NKAIN3: variants seen among roughly 807,000 people sequenced by gnomAD.
NKAIN3 encodes the protein sodium/potassium transporting ATPase interacting 3, also known as sodium/potassium-transporting ATPase subunit beta-1-interacting protein 3.
NKAIN3 carries 25 observed loss-of-function variants against 30.2 expected under a neutral mutation model. The ratio of observed to expected loss-of-function variants is 0.83; its 90% CI spans 0.60 to 1.16. The LOEUF (loss-of-function observed/expected upper bound fraction) is 1.16. NKAIN3 is among the 50% of genes most tolerant of loss of function. The pLI, the probability that NKAIN3 is intolerant of heterozygous loss-of-function variation, is 0.00. For missense variants in NKAIN3, 225 were observed against 254.1 expected, an observed-to-expected ratio of 0.89 and a Z score of 0.78; for synonymous variants, 91 against 89.6, an observed-to-expected ratio of 1.02 and a Z score of -0.09.
At position 62,560,531 on chromosome 8, in the gene NKAIN3, C is replaced by CTTTTTTTTTTTTTTTTT. The variant is rs869256384; in HGVS notation, c.55-18999_55-18983dup. Among the ~76,000 whole-genome samples the CTTTTTTTTTTTTTTTTT allele has an allele frequency of 8.8e-5, 4 of 45,362 alleles. 1 individual carries two copies. The highest frequency in any genetic ancestry group is 1.1e-4 in the Non-Finnish European group (3 of 27,028). 29.8% of individuals were successfully genotyped at this position (45,362 alleles called of 152,430 possible). On this transcript the variant is annotated intron_variant, in intron 1 of 6. Coordinates refer to ENST00000623646, the MANE Select transcript of NKAIN3 (RefSeq NM_001304533.3). ...CAGTTCACTGAATCTTTTTTCTTTT[C>CTTTTTTTTTTTTTTTTT]TTTTTTTTTTTTTTTTTTTTTTTTT... is the stretch of plus-strand genomic sequence containing the variant.
intron 5 of NKAIN3, among the ~76,000 whole-genome samples, chr8:62,940,165 C>T (rs1347948720): frequency 7.0e-6 from 1 of 142,332 alleles, no homozygotes; most frequent in Non-Finnish European, 1.5e-5. Context: ...AAAAAAAAGA[C>T]AAAAAGGGAC....
At chr8:62,674,157 A>G (rs1586076012) in intron 3 of NKAIN3, among the ~76,000 whole-genome samples, 1 of 152,148 alleles carries the variant, frequency 6.6e-6, no homozygotes, top group South Asian at 2.1e-4. Context: ...TGCAATCTGA[A>G]CCTCCTCCAC....
chr8:62,311,770 A>T (rs1446722518), intron 1 of NKAIN3, among the ~76,000 whole-genome samples: 1 of 150,470 alleles, frequency 6.6e-6, no homozygotes, highest in Non-Finnish European at 1.5e-5. Context: ...GATGAGTTTC[A>T]GATCCTCAGT....
At chr8:62,738,135 G>C (rs1047570714) in intron 3 of NKAIN3, among the ~76,000 whole-genome samples, 6 of 152,164 alleles carry the variant, frequency 3.9e-5, no homozygotes, top group African/African-American at 1.4e-4. Flanking sequence ...CCCACCAACA[G>C]TGTAAAATCG....
chr8:62,769,292 C>T (rs1418812389), intron 4 of NKAIN3, among the ~76,000 whole-genome samples: 2 of 152,080 alleles, frequency 1.3e-5, no homozygotes, highest in African/African-American at 4.8e-5. Flanking sequence ...ATAATATGCC[C>T]CAATTATCCG....
At chr8:62,800,729 G>A (rs527616896) in intron 4 of NKAIN3, among the ~76,000 whole-genome samples, 17 of 152,274 alleles carry the variant, frequency 1.1e-4, no homozygotes, top group South Asian at 2.1e-4. Flanking sequence ...CTGAGGTACC[G>A]GGTTCATCTC....
intron 4 of NKAIN3, among the ~76,000 whole-genome samples, chr8:62,892,601 T>C (rs4573266): frequency 0.77 from 117,427 of 152,098 alleles, 46,164 homozygotes; most frequent in East Asian, 0.93. Flanking sequence ...TCTGGTTCAA[T>C]AATAAATTCA....
At chr8:62,726,498 T>C (rs1215020110) in intron 3 of NKAIN3, among the ~76,000 whole-genome samples, 1 of 152,074 alleles carries the variant, frequency 6.6e-6, no homozygotes, top group East Asian at 1.9e-4. Flanking sequence ...AGGATTCTTA[T>C]CATGGAAGGA....
intron 3 of NKAIN3, among the ~76,000 whole-genome samples, chr8:62,713,127 G>A (rs571786893): frequency 6.6e-6 from 1 of 152,254 alleles, no homozygotes; most frequent in Non-Finnish European, 1.5e-5. Flanking sequence ...GAGGGTCTAT[G>A]GGTCCTTTTG....
chr8:62,595,294 A>T (rs577214268), intron 3 of NKAIN3, among the ~76,000 whole-genome samples: 4 of 151,816 alleles, frequency 2.6e-5, no homozygotes, highest in East Asian at 3.9e-4. Context: ...TCCAAAAAGC[A>T]TACCATTAGC....
intron 1 of NKAIN3, among the ~76,000 whole-genome samples, chr8:62,491,640 T>A (rs149499617): frequency 2.6e-4 from 39 of 152,250 alleles, no homozygotes; most frequent in African/African-American, 8.7e-4. Context: ...ATTATGTAAA[T>A]AGATGCGGAA....
intron 1 of NKAIN3, among the ~76,000 whole-genome samples, chr8:62,261,847 T>A (rs1026519835): frequency 9.2e-5 from 14 of 152,216 alleles, no homozygotes; most frequent in Admixed American, 8.5e-4. Flanking sequence ...CATTCTTATT[T>A]TCATGAGGCA....
At chr8:62,617,746 G>A (rs1467661884) in intron 3 of NKAIN3, among the ~76,000 whole-genome samples, 10 of 151,640 alleles carry the variant, frequency 6.6e-5, no homozygotes, top group African/African-American at 2.2e-4. Context: ...ATTATTGACA[G>A]CTTCCTCTGG....
intron 3 of NKAIN3, among the ~76,000 whole-genome samples, chr8:62,668,862 A>G (rs1401635076): frequency 3.9e-5 from 6 of 152,218 alleles, no homozygotes; most frequent in Non-Finnish European, 8.8e-5. Flanking sequence ...TTTTCCTTCA[A>G]TCTGTCTATA....
Position 62,469,836 on chromosome 8 carries a change from G to A in NKAIN3, c.55-109703G>A, listed in dbSNP as rs893708939. On this transcript the variant is annotated intron_variant, in intron 1 of 6. Coordinates refer to ENST00000623646, the MANE Select transcript of NKAIN3 (RefSeq NM_001304533.3). The stretch of plus-strand genomic sequence containing the variant: ...CAGGATGACCTAACCTATTCTGGCA[G>A]GTCAGGGAATTGCTGCATCTCTCAT... 4.6e-5 allele frequency among the ~76,000 whole-genome samples: 7 copies of A among 152,132 alleles called. No homozygotes were observed. In the South Asian group the frequency reaches 6.2e-4, roughly 14 times the overall value.
intron 4 of NKAIN3, among the ~76,000 whole-genome samples, chr8:62,797,926 C>T (rs1014868958): frequency 5.9e-5 from 9 of 152,174 alleles, no homozygotes; most frequent in African/African-American, 2.2e-4. Context: ...TATGCTGCCA[C>T]AAATTAATGA....
chr8:62,431,652 C>T (rs145386721), intron 1 of NKAIN3, among the ~76,000 whole-genome samples: 53 of 151,706 alleles, frequency 3.5e-4, no homozygotes, highest in African/African-American at 1.0e-3. Context: ...ATCTCAAAAG[C>T]GTTATTGCTG....
intron 1 of NKAIN3, among the ~76,000 whole-genome samples, chr8:62,370,988 A>C (rs1368279277): frequency 6.6e-6 from 1 of 151,970 alleles, no homozygotes. Context: ...CTTAGAGAAC[A>C]TTTTTAAACA....
chr8:62,634,798 G>C (rs1190737584), intron 3 of NKAIN3, among the ~76,000 whole-genome samples: 2 of 152,056 alleles, frequency 1.3e-5, no homozygotes, highest in Admixed American at 1.3e-4. Flanking sequence ...TTACTTGTAT[G>C]GGATAAACCA....
Sources: gnomAD v4.1 joint callset for allele counts (sites outside exome capture counted in the v4.1 genomes callset) on GRCh38, gnomAD v4.1.1 for gene constraint, MANE v1.5 for transcripts, NCBI Gene and HGNC (gene_info 2026-07-23, HGNC 2026-07-21) for gene names.